The following ARHGAP12 variants were observed in gnomAD, a reference collection of about 807,000 sequenced individuals.
The protein encoded by ARHGAP12 is rho GTPase-activating protein 12.
ARHGAP12 carries 64 observed loss-of-function variants against 108.6 expected under a neutral mutation model. That is an observed-to-expected ratio of 0.59 (90% CI 0.48 to 0.73). The LOEUF is 0.73. ARHGAP12 is among the 30% of genes least tolerant of loss of function. ARHGAP12 has a pLI of 0.00. For synonymous variants in ARHGAP12, 312 were observed against 337.2 expected (o/e 0.93, Z 0.82); for missense variants, 940 against 1,005.9 (o/e 0.93, Z 0.89).
At chr10:31,883,769 T>G (rs552262287) in intron 3 of ARHGAP12, among the ~76,000 whole-genome samples, 1 of 151,774 alleles carries the variant, frequency 6.6e-6, no homozygotes, top group Non-Finnish European at 1.5e-5. Context: ...TGGAGTTCAG[T>G]GGCGTGATCT....
intron 4 of ARHGAP12, among the ~76,000 whole-genome samples, chr10:31,858,871 T>A (rs930825869): frequency 3.9e-5 from 6 of 152,004 alleles, no homozygotes; most frequent in Admixed American, 1.3e-4. Flanking sequence ...CGGAAGAAAG[T>A]AGAATCTAAA....
chr10:31,917,392 A>G (rs1839607472), intron 1 of ARHGAP12, among the ~76,000 whole-genome samples: 2 of 152,166 alleles, frequency 1.3e-5, no homozygotes, highest in African/African-American at 4.8e-5. Context: ...CCAACAGAGC[A>G]AGACTTAGTC....
chr10:31,808,972 CT>C, intron 18 of ARHGAP12, 21 bp downstream of exon 18: 1 of 1,542,996 alleles, frequency 6.5e-7, no homozygotes, highest in Non-Finnish European at 8.8e-7. Flanking sequence ...CTAGAAAAAA[CT>C]GAGTAGAATT....
chr10:31,838,209 G>A (rs1010525296), intron 9 of ARHGAP12, among the ~76,000 whole-genome samples: 1 of 152,142 alleles, frequency 6.6e-6, no homozygotes. Context: ...CAGAAGAAAT[G>A]ACACACACAA....
intron 1 of ARHGAP12, among the ~76,000 whole-genome samples, chr10:31,924,873 G>A (rs963682654): frequency 1.3e-5 from 2 of 151,928 alleles, no homozygotes; most frequent in African/African-American, 4.8e-5. Context: ...ATGTTTGTGA[G>A]AAGAAAGAAA....
rs1433296711 is a variant in ARHGAP12, at chr10:31,897,111, C to G, written c.684+11061G>C. On this transcript the variant is annotated intron_variant, in intron 3 of 19. Transcript: ENST00000344936. ...TACTTCCAAAAACAACATCAGCTTC[C>G]TACAGTAAAGAGCCAAGAAGATACT... Among the ~76,000 whole-genome samples the G allele has an allele frequency of 2.6e-5, 4 of 152,060 alleles. No individual in the cohort carries two copies. In the East Asian group the frequency reaches 7.7e-4, roughly 29 times the overall value.
chr10:31,906,387 G>A (rs1159167976), intron 3 of ARHGAP12, among the ~76,000 whole-genome samples: 2 of 152,162 alleles, frequency 1.3e-5, no homozygotes, highest in African/African-American at 2.4e-5. Flanking sequence ...ATTTTTAAAT[G>A]AAGAAACTAA....
In ARHGAP12 at chr10:31,807,206, G is replaced by C. The variant is rs898403929; in HGVS notation, c.*452C>G. On this transcript the variant is annotated 3_prime_UTR_variant, in exon 20 of 20. Transcript: ENST00000344936. The stretch of plus-strand genomic sequence containing the variant: ...GAAACCCCGAAAAAGAAATACACAG[G>C]TTTCAAAATGGATATACTTCATTTT... 1.3e-5 allele frequency: 2 copies of C among 152,686 alleles called. No homozygotes were observed. The highest frequency in any genetic ancestry group is 4.8e-5 in the African/African-American group (2 of 41,390). 9.5% of individuals were successfully genotyped at this position (152,686 alleles called of 1,614,324 possible). A position where few individuals can be genotyped will look rare whatever the true frequency, so the allele number is the denominator to read the frequency against.
At chr10:31,912,222 A>C (rs1276914948) in intron 1 of ARHGAP12, among the ~76,000 whole-genome samples, 2 of 152,248 alleles carry the variant, frequency 1.3e-5, no homozygotes, top group Non-Finnish European at 2.9e-5. Context: ...GTAATAAAAT[A>C]ACTTAAGAAA....
intron 1 of ARHGAP12, among the ~76,000 whole-genome samples, chr10:31,924,569 C>A (rs1472769083): frequency 1.3e-5 from 2 of 152,040 alleles, no homozygotes; most frequent in African/African-American, 4.8e-5. Flanking sequence ...ATAGATCATT[C>A]TTTTTTATTG....
chr10:31,914,350 G>A (rs182680105), intron 1 of ARHGAP12, among the ~76,000 whole-genome samples: 5 of 151,966 alleles, frequency 3.3e-5, no homozygotes, highest in African/African-American at 1.2e-4. Context: ...TGTTTTATAT[G>A]GTGAGAGAGA....
At chr10:31,920,073 T>G (rs970208729) in intron 1 of ARHGAP12, among the ~76,000 whole-genome samples, 1 of 148,742 alleles carries the variant, frequency 6.7e-6, no homozygotes, top group Non-Finnish European at 1.5e-5. Context: ...GCAACTGCAC[T>G]CCAGCCTGGG....
chr10:31,897,235 T>G (rs1838737336), intron 3 of ARHGAP12, among the ~76,000 whole-genome samples: 1 of 151,948 alleles, frequency 6.6e-6, no homozygotes, highest in Non-Finnish European at 1.5e-5. Context: ...TACAAAGACT[T>G]AAAAGGGTTT....
intron 4 of ARHGAP12, among the ~76,000 whole-genome samples, chr10:31,859,547 T>G (rs1837031779): frequency 6.6e-6 from 1 of 152,194 alleles, no homozygotes; most frequent in African/African-American, 2.4e-5. Flanking sequence ...CTCCAGCCAC[T>G]TTGGAAATAT....
chr10:31,819,338 A>G lies in ARHGAP12; in HGVS notation c.1632+1049T>C, dbSNP rs374099866. 5.9e-5 allele frequency among the ~76,000 whole-genome samples: 9 copies of G among 152,274 alleles called. No homozygotes were observed. The East Asian group carries it at 1.7e-3, about 29-fold the overall frequency. The stretch of plus-strand genomic sequence containing the variant: ...ACAGCAATTAAACCAATCTGTCTAC[A>G]CAACACAACAGGAAAGCCCTGAGAC... On this transcript the variant is annotated intron_variant, in intron 12 of 19. Coordinates refer to ENST00000344936, the MANE Select transcript of ARHGAP12 (RefSeq NM_018287.7).
intron 3 of ARHGAP12, among the ~76,000 whole-genome samples, chr10:31,893,738 T>G (rs902423091): frequency 6.6e-6 from 1 of 152,096 alleles, no homozygotes; most frequent in Non-Finnish European, 1.5e-5. Context: ...CCTCCCTAAC[T>G]CACTTTATGA....
intron 3 of ARHGAP12, among the ~76,000 whole-genome samples, chr10:31,891,873 T>C (rs1050923012): frequency 2.6e-5 from 4 of 152,236 alleles, no homozygotes; most frequent in African/African-American, 9.6e-5. Flanking sequence ...CTGATCGAAT[T>C]GGATACTAAA....
At chr10:31,914,681 A>G (rs148790623) in intron 1 of ARHGAP12, among the ~76,000 whole-genome samples, 1 of 152,316 alleles carries the variant, frequency 6.6e-6, no homozygotes, top group East Asian at 1.9e-4. Context: ...ACCTTTATAT[A>G]CTGTTGGTGT....
intron 3 of ARHGAP12, among the ~76,000 whole-genome samples, chr10:31,907,681 A>C: frequency 6.6e-6 from 1 of 151,900 alleles, no homozygotes; most frequent in South Asian, 2.1e-4. Context: ...ATTTTTCCAG[A>C]CTAATACTCA....
Sources: gnomAD v4.1 joint callset for allele counts (sites outside exome capture counted in the v4.1 genomes callset) on GRCh38, gnomAD v4.1.1 for gene constraint, MANE v1.5 for transcripts, NCBI Gene and HGNC (gene_info 2026-07-23, HGNC 2026-07-21) for gene names.